Variants in WWP1 observed in about 807,000 individuals in gnomAD.
The protein encoded by WWP1 is NEDD4-like E3 ubiquitin-protein ligase WWP1.
Under a neutral mutation model 130.6 loss-of-function variants are expected in WWP1, and 49 were observed. The ratio of observed to expected loss-of-function variants is 0.38; its 90% CI spans 0.30 to 0.48. The LOEUF is 0.48. Ranked by LOEUF, WWP1 falls within the 20% of genes least tolerant of loss-of-function variation. The probability of loss-of-function intolerance (pLI) is 0.99; values close to 1 mark genes in which losing one functional copy is unlikely to be tolerated. For missense variants in WWP1, 809 were observed against 1,100.6 expected (o/e 0.74, Z 3.75); for synonymous variants, 332 against 367.8 (o/e 0.90, Z 1.11).
intron 9 of WWP1, among the ~76,000 whole-genome samples, chr8:86,421,755 C>T (rs944174671): frequency 3.3e-5 from 5 of 151,762 alleles, no homozygotes; most frequent in Admixed American, 6.6e-5. Context: ...ACCCGGGAGG[C>T]GGAGCTTACA....
chr8:86,351,647 G>T (rs921495055), intron 1 of WWP1, among the ~76,000 whole-genome samples: 2 of 151,866 alleles, frequency 1.3e-5, no homozygotes, highest in Non-Finnish European at 2.9e-5. Context: ...CAAAAAAAAA[G>T]TTGCTAAAAG....
rs1296590203 is a variant in WWP1 at position 86,465,468 on chromosome 8, AT to A, written c.2670-1325del. The stretch of plus-strand genomic sequence containing the variant: ...CAAAACTTCGTCTCTACAAAAAAAA[AT>A]ACAAAAGTTAGCTGGCCATGGTGGC... On this transcript the variant is annotated intron_variant, in intron 24 of 24. Transcript: ENST00000517970. Among the ~76,000 whole-genome samples, 6 of 152,262 alleles carry A rather than the reference AT, an allele frequency of 3.9e-5. No homozygotes were observed. In the East Asian group the frequency reaches 1.2e-3, roughly 29 times the overall value.
chr8:86,370,843 G>A (rs931889495), intron 2 of WWP1, among the ~76,000 whole-genome samples: 1 of 125,494 alleles, frequency 8.0e-6, no homozygotes, highest in African/African-American at 3.2e-5. Context: ...ATTGCTTATA[G>A]CTATATTCAT....
chr8:86,381,601 A>G lies in WWP1; in HGVS notation c.306A>G (p.Lys102=). The G allele has an allele frequency of 6.2e-7, 1 of 1,608,088 alleles. No homozygotes were observed. Among genetic ancestry groups the G allele is most frequent in the Admixed American group, 1.7e-5 (1 of 57,962 alleles). ...TAGGAAAAGCAACGATAGATTTGAA[A>G]CAAGCTCTGTTGATACACAATAGAA... ...ALLGKATIDL[K]QALLIHNRKL... is the part of the protein sequence containing the mutation. Residue 102 remains lysine, a synonymous_variant, in exon 5 of 25, where the codon AAA becomes AAG. Transcript: ENST00000517970.
intron 1 of WWP1, among the ~76,000 whole-genome samples, chr8:86,358,822 G>A (rs772393771): frequency 6.6e-6 from 1 of 151,950 alleles, no homozygotes; most frequent in Non-Finnish European, 1.5e-5. Context: ...TTATTATTTA[G>A]TAGGGGCCAG....
At chr8:86,358,030 G>A (rs1390900315) in intron 1 of WWP1, among the ~76,000 whole-genome samples, 1 of 152,132 alleles carries the variant, frequency 6.6e-6, no homozygotes, top group Non-Finnish European at 1.5e-5. Context: ...TGATAGTTTG[G>A]GGGTTAGCAT....
intron 18 of WWP1, 79 bp downstream of exon 18, chr8:86,442,857 G>A (rs62510799): frequency 2.5e-5 from 31 of 1,249,058 alleles, no homozygotes; most frequent in Non-Finnish European, 3.4e-5. Context: ...AAAAAAAAAG[G>A]ATAAGCATTA....
chr8:86,343,156 T>C (rs556132996), intron 1 of WWP1: 240 of 219,764 alleles, frequency 1.1e-3, no homozygotes, highest in African/African-American at 4.8e-3. Context: ...GAGTTCGCCC[T>C]GGCAAAGGCC....
intron 8 of WWP1, among the ~76,000 whole-genome samples, chr8:86,402,760 CT>C (rs1808064686): frequency 6.6e-6 from 1 of 152,150 alleles, no homozygotes; most frequent in Non-Finnish European, 1.5e-5. Flanking sequence ...GAGCTAGATT[CT>C]TAAGCTTTGC....
intron 1 of WWP1, among the ~76,000 whole-genome samples, chr8:86,351,573 C>G (rs1296067465): frequency 2.6e-5 from 4 of 151,798 alleles, no homozygotes; most frequent in Non-Finnish European, 1.5e-5. Context: ...AGTGATCCCC[C>G]CTACCTCGAC....
chr8:86,415,153 G>T (rs2130588880), intron 9 of WWP1, among the ~76,000 whole-genome samples: 1 of 152,180 alleles, frequency 6.6e-6, no homozygotes, highest in South Asian at 2.1e-4. Flanking sequence ...AAAGAACTTT[G>T]CATGTGCTCT....
intron 18 of WWP1, among the ~76,000 whole-genome samples, chr8:86,447,495 T>C (rs1192748366): frequency 7.9e-5 from 12 of 152,148 alleles, no homozygotes; most frequent in Non-Finnish European, 1.5e-4. Flanking sequence ...CTTGATCTTC[T>C]AACCTCATGA....
At chr8:86,359,943 G>A (rs1392661695) in intron 1 of WWP1, among the ~76,000 whole-genome samples, 3 of 151,974 alleles carry the variant, frequency 2.0e-5, no homozygotes, top group Non-Finnish European at 4.4e-5. Context: ...CAGCTACTCA[G>A]GAGGCTGAGG....
At chr8:86,384,524 A>G (rs1238948077) in intron 5 of WWP1, among the ~76,000 whole-genome samples, 2 of 152,206 alleles carry the variant, frequency 1.3e-5, no homozygotes, top group Non-Finnish European at 2.9e-5. Flanking sequence ...ATTAGAAGTA[A>G]TATAAAATTA....
chr8:86,446,082 A>C (rs1454586072), intron 18 of WWP1, among the ~76,000 whole-genome samples: 1 of 149,092 alleles, frequency 6.7e-6, no homozygotes, highest in East Asian at 2.0e-4. Flanking sequence ...CCTGGGTTCA[A>C]GCAATTCTCT....
At chr8:86,362,319 G>T (rs1823716918) in intron 1 of WWP1, among the ~76,000 whole-genome samples, 1 of 149,708 alleles carries the variant, frequency 6.7e-6, no homozygotes, top group Non-Finnish European at 1.5e-5. Context: ...TAAATTAGAG[G>T]CTTATGTCAG....
chr8:86,452,789 T>C, intron 21 of WWP1, 110 bp downstream of exon 21: 1 of 1,352,750 alleles, frequency 7.4e-7, no homozygotes, highest in Non-Finnish European at 1.0e-6. Context: ...AGCACAATCT[T>C]GAATCCTCTC....
intron 9 of WWP1, among the ~76,000 whole-genome samples, chr8:86,423,370 G>A (rs553631460): frequency 1.1e-4 from 17 of 152,096 alleles, no homozygotes; most frequent in Admixed American, 3.9e-4. Context: ...AGGACCCTGC[G>A]GCCTTCCACA....
Position 86,411,684 on chromosome 8 carries a change from G to A in WWP1, c.871G>A (p.Glu291Lys), listed in dbSNP as rs776225114. Residue 291 changes from glutamate to lysine, a missense_variant, in exon 9 of 25, where the codon GAA becomes AAA. By Grantham distance (56) the Glu-to-Lys change is moderately conservative (BLOSUM62 1). Coordinates refer to ENST00000517970, the MANE Select transcript of WWP1 (RefSeq NM_007013.4). ...AGTTCAAGAAATACTGACTTCCTCA[G>A]AAAACAATGAATGTATTCCTTCTAC... ...PPVQEILTSS[E>K]NNECIPSTSA... is the part of the protein sequence containing the mutation. 72 of 1,614,004 alleles carry A rather than the reference G, an allele frequency of 4.5e-5. No individual in the cohort carries two copies. The highest frequency in any genetic ancestry group is 6.0e-5 in the Non-Finnish European group (71 of 1,180,030).
Sources: gnomAD v4.1 joint callset for allele counts (sites outside exome capture counted in the v4.1 genomes callset) on GRCh38, gnomAD v4.1.1 for gene constraint, MANE v1.5 for transcripts, NCBI Gene and HGNC (gene_info 2026-07-23, HGNC 2026-07-21) for gene names.